Variants in REDIC1 observed in about 807,000 individuals in gnomAD.
REDIC1 encodes HEI10 Interacting Protein 1.
At chr12:39,656,862 C>T in the REDIC1 span, among the ~76,000 whole-genome samples, 1 of 151,918 alleles carries the variant, frequency 6.6e-6, no homozygotes, top group African/African-American at 2.4e-5. Flanking sequence ...TAGAATAAGG[C>T]TGTAAAGAAA....
At chr12:39,636,926 A>AT in the REDIC1 span, among the ~76,000 whole-genome samples, 2 of 151,810 alleles carry the variant, frequency 1.3e-5, no homozygotes, top group Admixed American at 6.6e-5. Flanking sequence ...TGTCTTTTTA[A>AT]TTTTTTTAAA....
chr12:39,789,018 G>C, the REDIC1 span, among the ~76,000 whole-genome samples: 2 of 152,078 alleles, frequency 1.3e-5, no homozygotes, highest in African/African-American at 2.4e-5. Context: ...ACTTATTAAA[G>C]TCTGTTATAC....
the REDIC1 span, among the ~76,000 whole-genome samples, chr12:39,790,571 A>G: frequency 2.0e-5 from 3 of 147,418 alleles, no homozygotes; most frequent in Non-Finnish European, 4.5e-5. Context: ...ATGGCTGCAT[A>G]GTATTCCATG....
At chr12:39,726,028 C>A in the REDIC1 span, among the ~76,000 whole-genome samples, 1 of 152,132 alleles carries the variant, frequency 6.6e-6, no homozygotes, top group Non-Finnish European at 1.5e-5. Flanking sequence ...ATGTCAGTCA[C>A]GTGGAACAAA....
chr12:39,740,826 C>T, the REDIC1 span, among the ~76,000 whole-genome samples: 2 of 152,274 alleles, frequency 1.3e-5, no homozygotes, highest in African/African-American at 4.8e-5. Flanking sequence ...GAAAACACAG[C>T]TGTTTCATGA....
At chr12:39,712,340 GTATT>G in the REDIC1 span, among the ~76,000 whole-genome samples, 1 of 66,948 alleles carries the variant, frequency 1.5e-5, no homozygotes, top group Non-Finnish European at 3.3e-5. Flanking sequence ...TTATATACCT[GTATT>G]TATATATACA....
chr12:39,895,976 GTATA>G, the REDIC1 span, among the ~76,000 whole-genome samples: 3 of 144,442 alleles, frequency 2.1e-5, no homozygotes, highest in East Asian at 2.0e-4. Context: ...ATGTGTATAT[GTATA>G]CATACATTCA....
chr12:39,665,224 T>G, the REDIC1 span, among the ~76,000 whole-genome samples: 1 of 152,200 alleles, frequency 6.6e-6, no homozygotes, highest in Non-Finnish European at 1.5e-5. Flanking sequence ...TGTAAGTCTT[T>G]AATCCATCTT....
the REDIC1 span, among the ~76,000 whole-genome samples, chr12:39,895,345 C>A: frequency 1.3e-5 from 2 of 151,262 alleles, no homozygotes; most frequent in South Asian, 2.1e-4. Flanking sequence ...AAAAAATTAG[C>A]CGGGCTTGGT....
chr12:39,744,955 A>G, the REDIC1 span, among the ~76,000 whole-genome samples: 1 of 152,196 alleles, frequency 6.6e-6, no homozygotes, highest in Non-Finnish European at 1.5e-5. Flanking sequence ...CTCACTTTCA[A>G]TATAACGATA....
At chr12:39,818,198 T>C in the REDIC1 span, among the ~76,000 whole-genome samples, 1 of 152,058 alleles carries the variant, frequency 6.6e-6, no homozygotes, top group African/African-American at 2.4e-5. Context: ...ACAGAGTTCC[T>C]AAAATCATCT....
chr12:39,732,158 A>G, the REDIC1 span, among the ~76,000 whole-genome samples: 1 of 152,118 alleles, frequency 6.6e-6, no homozygotes, highest in Non-Finnish European at 1.5e-5. Context: ...GAAATCTGAT[A>G]TGTCTTTTAG....
the REDIC1 span, among the ~76,000 whole-genome samples, chr12:39,714,327 A>G: frequency 1.3e-5 from 2 of 148,556 alleles, 1 homozygote; most frequent in Non-Finnish European, 3.0e-5. Flanking sequence ...ACAGGCATAT[A>G]TGTATATATG....
chr12:39,633,721 G>C, the REDIC1 span, among the ~76,000 whole-genome samples: 2 of 152,118 alleles, frequency 1.3e-5, no homozygotes, highest in African/African-American at 4.8e-5. Flanking sequence ...TGATAGGAAG[G>C]TTTCAGCATC....
the REDIC1 span, among the ~76,000 whole-genome samples, chr12:39,770,827 T>G: frequency 6.6e-6 from 1 of 152,298 alleles, no homozygotes; most frequent in Admixed American, 6.5e-5. Flanking sequence ...TCCTTTATAC[T>G]TTTAAGTCCA....
chr12:39,652,467 A>G, the REDIC1 span, among the ~76,000 whole-genome samples: 1 of 152,044 alleles, frequency 6.6e-6, no homozygotes, highest in African/African-American at 2.4e-5. Flanking sequence ...TTTAATTTGC[A>G]TTTCTCTAAT....
the REDIC1 span, among the ~76,000 whole-genome samples, chr12:39,896,488 ATG>A: frequency 2.0e-5 from 3 of 147,776 alleles, 1 homozygote; most frequent in African/African-American, 7.5e-5. Context: ...ATGTGTATAT[ATG>A]TACACATATA....
At chr12:39,649,395 T>G in the REDIC1 span, among the ~76,000 whole-genome samples, 2 of 151,850 alleles carry the variant, frequency 1.3e-5, no homozygotes, top group Non-Finnish European at 2.9e-5. Flanking sequence ...TTAAGTAGTA[T>G]TGTCGAATAT....
chr12:39,838,334 A>C, the REDIC1 span, among the ~76,000 whole-genome samples: 1 of 112,212 alleles, frequency 8.9e-6, no homozygotes, highest in Admixed American at 1.1e-4. Flanking sequence ...CACTCTGGGG[A>C]CTGTGGTGGG....
Sources: allele counts gnomAD v4.1 joint callset (sites outside exome capture counted in the v4.1 genomes callset), GRCh38; gene constraint gnomAD v4.1.1; transcripts MANE v1.5; gene names NCBI Gene and HGNC (gene_info 2026-07-23, HGNC 2026-07-21).